The following SEC31B variants were observed in gnomAD, a reference collection of about 807,000 sequenced individuals.
SEC31B encodes protein transport protein Sec31B.
A neutral mutation model predicts 135.0 loss-of-function variants in SEC31B; 113 were observed. The ratio of observed to expected loss-of-function variants is 0.84; its 90% CI spans 0.72 to 0.98. SEC31B has a LOEUF of 0.98. Ranked by LOEUF, SEC31B falls within the 50% of genes least tolerant of loss-of-function variation. The probability of loss-of-function intolerance (pLI) is 0.00; values close to 1 mark genes in which losing one functional copy is unlikely to be tolerated. For synonymous variants in SEC31B, 508 were observed against 549.4 expected (o/e 0.92, Z 1.05); for missense variants, 1,296 against 1,421.1 (o/e 0.91, Z 1.42).
intron 12 of SEC31B, 97 bp downstream of exon 12, chr10:100,499,427 A>G: frequency 8.6e-7 from 1 of 1,157,996 alleles, no homozygotes; most frequent in Admixed American, 2.0e-5. Context: ...ATATGCAATA[A>G]TAAGGCCAGG....
chr10:100,502,127 A>G, intron 11 of SEC31B, 127 bp downstream of exon 11: 1 of 727,710 alleles, frequency 1.4e-6, no homozygotes, highest in Non-Finnish European at 2.3e-6. Flanking sequence ...TGGGGGAAAA[A>G]CTAATGGGAG....
At chr10:100,489,792 C>A in intron 21 of SEC31B, 31 bp from the exon 22 acceptor site, 1 of 1,613,026 alleles carries the variant, frequency 6.2e-7, no homozygotes, top group South Asian at 1.1e-5. Context: ...GGTTTTTCGG[C>A]GCATAGTGAA....
intron 24 of SEC31B, 125 bp downstream of exon 24, chr10:100,488,733 A>C: frequency 7.7e-7 from 1 of 1,306,786 alleles, no homozygotes; most frequent in Non-Finnish European, 1.0e-6. Context: ...AATTAAGTAC[A>C]AGATAGAGAC....
intron 12 of SEC31B, 45 bp from the exon 13 acceptor site, chr10:100,499,303 CA>C (rs772357909): frequency 1.4e-6 from 2 of 1,434,796 alleles, no homozygotes; most frequent in Non-Finnish European, 9.7e-7. Flanking sequence ...AGCGTAAGAT[CA>C]AATAAGCATT....
At chr10:100,510,935 G>A (rs371218193) in intron 3 of SEC31B, among the ~76,000 whole-genome samples, 2 of 152,220 alleles carry the variant, frequency 1.3e-5, no homozygotes, top group Admixed American at 6.5e-5. Flanking sequence ...GGGGTAGAGG[G>A]CATGTCAACT....
chr10:100,491,400 A>G (rs1851297637), intron 19 of SEC31B, among the ~76,000 whole-genome samples: 1 of 152,254 alleles, frequency 6.6e-6, no homozygotes, highest in Non-Finnish European at 1.5e-5. Context: ...TAATTTCATG[A>G]GGCCAGTATT....
chr10:100,506,403 G>T lies in SEC31B; in HGVS notation c.800C>A (p.Ser267Ter). 1 of 1,614,102 alleles carries T rather than the reference G, an allele frequency of 6.2e-7. No homozygotes were observed. The highest frequency in any genetic ancestry group is 1.3e-5 in the African/African-American group (1 of 75,014). ...CAGCTCAGCATCAGCCTGGCTCCAT[G>T]ACACTGACAAGATCCCCCTAAAAAG... ...ESHSRGILSV[S>*]WSQADAELLL... The change falls in exon 8 of 26, where the codon TCA becomes TAA. Residue 267 changes from serine (S) to a stop codon, truncating the protein, a stop_gained. Transcript: ENST00000370345. LOFTEE classifies it high-confidence loss of function.
rs756108044 is a variant in SEC31B at position 100,497,150 on chromosome 10, G to A, written c.2121C>T (p.Ser707=). The change falls in exon 17 of 26, where the codon TCC becomes TCT. Residue 707 remains serine, a synonymous_variant. Coordinates refer to ENST00000370345, the MANE Select transcript of SEC31B (RefSeq NM_015490.4). The stretch of plus-strand genomic sequence containing the variant: ...GAAGGGGTACCTGCAGAGCCATGGG[G>A]GACAAAGCCTGGTGGCATTTTGCCC... ...ECWAKCHQAL[S]PMALQDLMEK... is the part of the protein sequence containing the mutation. 11 of 1,614,020 alleles carry A rather than the reference G, an allele frequency of 6.8e-6. No homozygotes were observed. The highest frequency in any genetic ancestry group is 1.7e-5 in the Admixed American group (1 of 60,002).
At position 100,497,725 on chromosome 10, in the gene SEC31B, T is replaced by C; in HGVS notation, c.1932A>G (p.Arg644=). ...ATGTCAGTAGCAAAGCCAGTGCCTCTCTCCAGTTCTTCAGGCTACAGGTAC... is the reference window on the plus strand; with the variant it reads ...ATGTCAGTAGCAAAGCCAGTGCCTCCCTCCAGTTCTTCAGGCTACAGGTAC... ...VVCTCSLKNW[R]EALALLLTYS... is the part of the protein sequence containing the mutation. Residue 644 remains arginine, a synonymous_variant, in exon 16 of 26, where the codon AGA becomes AGG. Coordinates refer to ENST00000370345, the MANE Select transcript of SEC31B (RefSeq NM_015490.4). 1 of 1,614,202 alleles carries C rather than the reference T, an allele frequency of 6.2e-7. No individual in the cohort carries two copies. Among genetic ancestry groups the C allele is most frequent in the Non-Finnish European group, 8.5e-7 (1 of 1,180,032 alleles).
chr10:100,505,408 T>C lies in SEC31B; in HGVS notation c.1132A>G (p.Lys378Glu), dbSNP rs779868109. The C allele has an allele frequency of 6.2e-7, 1 of 1,611,110 alleles. No homozygotes were observed. Among genetic ancestry groups the C allele is most frequent in the South Asian group, 1.1e-5 (1 of 90,560 alleles). Residue 378 changes from lysine (K) to glutamate (E), a missense_variant, in exon 10 of 26, where the codon AAA becomes GAA. Physicochemically the swap from Lys to Glu is moderately conservative, Grantham distance 56. Coordinates refer to ENST00000370345, the MANE Select transcript of SEC31B (RefSeq NM_015490.4). ...CTTCTAATCCATTTGGGGGGTTTTT[T>C]CAGGGGAGGTATCAGTGGTGCTTGT... ...VAQAPLIPPL[K>E]KPPKWIRRPT...
intron 3 of SEC31B, among the ~76,000 whole-genome samples, chr10:100,511,201 T>C (rs1216372412): frequency 2.0e-5 from 3 of 152,238 alleles, no homozygotes; most frequent in African/African-American, 7.2e-5. Flanking sequence ...TCTTTCTGTA[T>C]GCATATAGAA....
chr10:100,517,275 T>C, intron 1 of SEC31B, among the ~76,000 whole-genome samples: 1 of 152,220 alleles, frequency 6.6e-6, no homozygotes, highest in Non-Finnish European at 1.5e-5. Flanking sequence ...TCCATTTCCT[T>C]GGCTTTAAAT....
rs780096182 is a variant in SEC31B, at chr10:100,508,962, A to T, written c.495+45T>A. The stretch of plus-strand genomic sequence containing the variant: ...AGAACTCAAGACTTTTACTTAGGAG[A>T]ATCAGCTGCACACTCCAGGGTTGGG... On this transcript the variant is annotated intron_variant, in intron 5 of 25. Coordinates refer to ENST00000370345, the MANE Select transcript of SEC31B (RefSeq NM_015490.4). 3.8e-5 allele frequency: 56 copies of T among 1,462,396 alleles called. No homozygotes were observed. The South Asian group carries it at 6.2e-4, about 16-fold the overall frequency. 90.6% of individuals were successfully genotyped at this position (1,462,396 alleles called of 1,614,324 possible).
At chr10:100,516,687 T>C (rs941240622) in intron 2 of SEC31B, among the ~76,000 whole-genome samples, 187 bp downstream of exon 2, 45 of 149,886 alleles carry the variant, frequency 3.0e-4, no homozygotes, top group Non-Finnish European at 4.1e-4. Flanking sequence ...GTACCTAACC[T>C]TGAGCCATAG....
At chr10:100,510,172 G>A (rs1406798002) in intron 3 of SEC31B, among the ~76,000 whole-genome samples, 10 of 152,190 alleles carry the variant, frequency 6.6e-5, no homozygotes, top group Non-Finnish European at 1.5e-5. Context: ...CTCCTATTGA[G>A]AGAAAGATTC....
Position 100,496,209 on chromosome 10 carries a change from T to G in SEC31B, c.2310+49A>C, listed in dbSNP as rs531930192. 5 of 1,585,180 alleles carry G rather than the reference T, an allele frequency of 3.2e-6. No individual in the cohort carries two copies. The South Asian group carries it at 5.6e-5, about 18-fold the overall frequency. ...GGAATATGGAAGTGCTCAATCAATG[T>G]TAGATGACTGAATGAAATGGTTTGC... On this transcript the variant is annotated intron_variant, in intron 18 of 25. Transcript: ENST00000370345.
chr10:100,518,705 A>C (rs902111388), intron 1 of SEC31B, among the ~76,000 whole-genome samples: 1 of 152,238 alleles, frequency 6.6e-6, no homozygotes, highest in African/African-American at 2.4e-5. Context: ...ACTTGAGGAG[A>C]AAGCTTGGGA....
intron 3 of SEC31B, among the ~76,000 whole-genome samples, chr10:100,514,980 C>CA (rs1232368371): frequency 0.086 from 5,500 of 63,686 alleles, 450 homozygotes; most frequent in African/African-American, 0.23. Flanking sequence ...GACTCCATCT[C>CA]AAAAAAAAAA....
In SEC31B at chr10:100,490,378, C is replaced by CA. The variant is rs892261086; in HGVS notation, c.2651-57dup. The CA allele has an allele frequency of 5.3e-4, 807 of 1,512,422 alleles. 1 individual carries two copies. The highest frequency in any genetic ancestry group is 6.7e-4 in the Non-Finnish European group (751 of 1,123,390). 93.7% of individuals were successfully genotyped at this position (1,512,422 alleles called of 1,614,324 possible). Reference sequence around the variant, plus strand: ...ACTAAACTTCATTTCAGGAGCAACTCAGAGCATATCAGGGAGAAACAGGAT... The same window carrying CA: ...ACTAAACTTCATTTCAGGAGCAACTCAAGAGCATATCAGGGAGAAACAGGAT... On this transcript the variant is annotated intron_variant, in intron 20 of 25. Coordinates refer to ENST00000370345, the MANE Select transcript of SEC31B (RefSeq NM_015490.4).
Sources: allele counts gnomAD v4.1 joint callset (sites outside exome capture counted in the v4.1 genomes callset), GRCh38; gene constraint gnomAD v4.1.1; transcripts MANE v1.5; gene names NCBI Gene and HGNC (gene_info 2026-07-23, HGNC 2026-07-21).